The following CALN1 variants were observed in gnomAD, a reference collection of about 807,000 sequenced individuals.
The protein encoded by CALN1 is calneuron 1, also known as calcium-binding protein 8.
In CALN1, 17 loss-of-function variants were observed where a neutral mutation model predicts 30.6. That is an observed-to-expected ratio of 0.56 (90% CI 0.38 to 0.83). The LOEUF is 0.83. Ranked by LOEUF, CALN1 falls within the 40% of genes least tolerant of loss-of-function variation. The pLI is 0.00. For missense variants in CALN1, 291 were observed against 354.9 expected (o/e 0.82, Z 1.45); for synonymous variants, 156 against 131.4 (o/e 1.19, Z -1.28).
chr7:72,334,305 TA>T, intron 2 of CALN1, among the ~76,000 whole-genome samples: 1 of 152,110 alleles, frequency 6.6e-6, no homozygotes, highest in Non-Finnish European at 1.5e-5. Flanking sequence ...AAGAATGTGG[TA>T]AAAGACACCA....
At chr7:71,813,130 G>A (rs1312995614) in intron 5 of CALN1, among the ~76,000 whole-genome samples, 2 of 151,928 alleles carry the variant, frequency 1.3e-5, no homozygotes, top group Non-Finnish European at 1.5e-5. Flanking sequence ...TGTATTTTTA[G>A]TAGAGACAGG....
chr7:71,971,613 C>T lies in CALN1; in HGVS notation c.501+52044G>A, dbSNP rs114882142. Among the ~76,000 whole-genome samples, 441 of 152,056 alleles carry T rather than the reference C, an allele frequency of 2.9e-3. 2 individuals carry two copies. The highest frequency in any genetic ancestry group is 0.01 in the African/African-American group (427 of 41,496). ...TTCTCATTACACAGGTGAAGAAATACAGGGCCGTGTATGATGGCTCACACC... is the reference window on the plus strand; with the variant it reads ...TTCTCATTACACAGGTGAAGAAATATAGGGCCGTGTATGATGGCTCACACC... On this transcript the variant is annotated intron_variant, in intron 5 of 6. Coordinates refer to ENST00000395275, the MANE Select transcript of CALN1 (RefSeq NM_031468.4).
intron 5 of CALN1, among the ~76,000 whole-genome samples, chr7:71,898,949 T>C (rs1409386476): frequency 1.3e-5 from 2 of 152,080 alleles, no homozygotes; most frequent in Non-Finnish European, 2.9e-5. Flanking sequence ...AAGACAAAAT[T>C]ACAGTTATTG....
chr7:72,382,840 G>A (rs569886917), intron 2 of CALN1, among the ~76,000 whole-genome samples: 2 of 152,308 alleles, frequency 1.3e-5, no homozygotes, highest in Middle Eastern at 6.8e-3. Context: ...CCAGGCTGGA[G>A]TGCAGGAGTG....
chr7:72,503,992 G>A, the CALN1 span, among the ~76,000 whole-genome samples: 2 of 152,136 alleles, frequency 1.3e-5, no homozygotes, highest in South Asian at 2.1e-4. Flanking sequence ...TCACCCCATA[G>A]AGGAGTGTGG....
intron 5 of CALN1, among the ~76,000 whole-genome samples, chr7:71,868,637 G>A (rs1458469721): frequency 1.3e-5 from 2 of 152,004 alleles, no homozygotes; most frequent in Non-Finnish European, 2.9e-5. Context: ...CTCCCAGAGT[G>A]CTGGGATAAG....
intron 5 of CALN1, among the ~76,000 whole-genome samples, chr7:71,919,876 AGTG>A (rs1312694637): frequency 4.7e-4 from 72 of 152,322 alleles, no homozygotes; most frequent in Non-Finnish European, 1.5e-5. Flanking sequence ...TGTGTCTGTA[AGTG>A]GTATTTATTA....
rs202075606 is a variant in CALN1 at position 71,888,282 on chromosome 7, G to A, written c.502-77790C>T. On this transcript the variant is annotated intron_variant, in intron 5 of 6. Coordinates refer to ENST00000395275, the MANE Select transcript of CALN1 (RefSeq NM_031468.4). ...AAAAACCAACGGGCTGCTAATGGGC[G>A]TGGGTTTATTTTGGGGGGAGATGAA... Among the ~76,000 whole-genome samples the A allele has an allele frequency of 9.2e-5, 14 of 151,928 alleles. No individual in the cohort carries two copies. In the East Asian group the frequency reaches 1.2e-3, roughly 13 times the overall value.
intron 4 of CALN1, among the ~76,000 whole-genome samples, chr7:72,040,169 C>T (rs531820483): frequency 2.3e-4 from 35 of 152,186 alleles, no homozygotes; most frequent in African/African-American, 8.2e-4. Flanking sequence ...CCTTTAATGT[C>T]AACCTCTTAA....
At chr7:71,808,711 G>A (rs1221969855) in intron 6 of CALN1, among the ~76,000 whole-genome samples, 1 of 152,042 alleles carries the variant, frequency 6.6e-6, no homozygotes, top group African/African-American at 2.4e-5. Context: ...ACCAACAAAG[G>A]CTGTTGTGGA....
At chr7:72,123,127 C>T (rs897111505) in intron 3 of CALN1, among the ~76,000 whole-genome samples, 4 of 152,258 alleles carry the variant, frequency 2.6e-5, no homozygotes, top group South Asian at 2.1e-4. Context: ...AAGAGGACAG[C>T]GATGGTCACA....
the CALN1 span, among the ~76,000 whole-genome samples, chr7:72,465,824 G>T: frequency 6.6e-6 from 1 of 152,168 alleles, no homozygotes; most frequent in African/African-American, 2.4e-5. Flanking sequence ...GCCACTCAGA[G>T]CGCGGAATCC....
Position 71,781,043 on chromosome 7 carries a change from T to TA in CALN1, c.*6731dup, listed in dbSNP as rs1792687924. ...ACAGCGGACACCAAAAGAGAGACTT[T>TA]ATCACAACTGCCTCTTGGGACTTGT... On this transcript the variant is annotated 3_prime_UTR_variant, in exon 7 of 7. Coordinates refer to ENST00000395275, the MANE Select transcript of CALN1 (RefSeq NM_031468.4). 1 of 152,238 alleles carries TA rather than the reference T, an allele frequency of 6.6e-6. No individual in the cohort carries two copies. The highest frequency in any genetic ancestry group is 2.4e-5 in the African/African-American group (1 of 41,456). The allele number at this position is 152,238 out of a possible 1,614,324, so 9.4% of individuals were successfully genotyped here. A position where few individuals can be genotyped will look rare whatever the true frequency, so the allele number is the denominator to read the frequency against.
At chr7:72,273,572 G>T (rs1797147404) in intron 3 of CALN1, among the ~76,000 whole-genome samples, 1 of 145,322 alleles carries the variant, frequency 6.9e-6, no homozygotes. Context: ...AAGTGCAAGT[G>T]CAGTAGTACA....
At chr7:72,411,794 T>C (rs1807170883) in intron 1 of CALN1, among the ~76,000 whole-genome samples, 1 of 148,778 alleles carries the variant, frequency 6.7e-6, no homozygotes, top group African/African-American at 2.6e-5. Flanking sequence ...AAGTAATTAC[T>C]CTTTTAAAGT....
chr7:71,798,069 G>GAGAGAGAGAC (rs1177597477), intron 6 of CALN1, among the ~76,000 whole-genome samples: 3 of 129,266 alleles, frequency 2.3e-5, no homozygotes, highest in South Asian at 5.0e-4. Context: ...GACAGAGAGA[G>GAGAGAGAGAC]AGAGAGAGAC....
At chr7:71,852,352 G>C (rs1790695674) in intron 5 of CALN1, among the ~76,000 whole-genome samples, 2 of 151,770 alleles carry the variant, frequency 1.3e-5, no homozygotes, top group African/African-American at 4.8e-5. Flanking sequence ...ATAAGAAACT[G>C]CCGACTGGGC....
chr7:72,490,263 A>G, the CALN1 span, among the ~76,000 whole-genome samples: 1 of 152,230 alleles, frequency 6.6e-6, no homozygotes, highest in Admixed American at 6.5e-5. Flanking sequence ...ATGCTTATAC[A>G]GTATGATCTC....
intron 3 of CALN1, among the ~76,000 whole-genome samples, chr7:72,113,780 T>C (rs1807744240): frequency 6.6e-6 from 1 of 152,194 alleles, no homozygotes; most frequent in African/African-American, 2.4e-5. Flanking sequence ...ACTCCGGACT[T>C]TTCTTTTTAA....
Sources: allele counts gnomAD v4.1 joint callset (sites outside exome capture counted in the v4.1 genomes callset), GRCh38; gene constraint gnomAD v4.1.1; transcripts MANE v1.5; gene names NCBI Gene and HGNC (gene_info 2026-07-23, HGNC 2026-07-21).